Variants in CTNNA3 observed in about 807,000 individuals in gnomAD.
CTNNA3 encodes the protein catenin alpha 3, also known as catenin alpha-3.
Under a neutral mutation model 95.7 loss-of-function variants are expected in CTNNA3, and 76 were observed. The observed-to-expected ratio is 0.79, with a 90% CI of 0.66 to 0.96. CTNNA3 has a LOEUF of 0.96. Ranked by LOEUF, CTNNA3 falls within the 40% of genes least tolerant of loss-of-function variation. The pLI, the probability that CTNNA3 is intolerant of heterozygous loss-of-function variation, is 0.00. For synonymous variants in CTNNA3, 431 were observed against 374.4 expected, an observed-to-expected ratio of 1.15 and a Z score of -1.74; for missense variants, 1,191 against 1,089.8, an observed-to-expected ratio of 1.09 and a Z score of -1.31.
intron 11 of CTNNA3, among the ~76,000 whole-genome samples, chr10:66,394,966 G>C (rs543158430): frequency 1.2e-4 from 18 of 151,888 alleles, no homozygotes; most frequent in Non-Finnish European, 1.9e-4. Context: ...ATAAAATTAA[G>C]AATAAATGAG....
chr10:67,471,968 A>G (rs976546330), intron 5 of CTNNA3, among the ~76,000 whole-genome samples: 9 of 152,238 alleles, frequency 5.9e-5, no homozygotes, highest in African/African-American at 2.2e-4. Context: ...TCTTTGCTAA[A>G]GCAAAGTAGC....
rs370116306 is a variant in CTNNA3 at position 66,301,879 on chromosome 10, T to A, written c.1733-21258A>T. On this transcript the variant is annotated intron_variant, in intron 12 of 17. Transcript: ENST00000433211. ...AAAAGGAAATAAAAACCATTCAGAC[T>A]TGGAAGGAAGATTAAAAATCTCTTT... 5.9e-5 allele frequency among the ~76,000 whole-genome samples: 9 copies of A among 152,082 alleles called. No homozygotes were observed. In the East Asian group the frequency reaches 1.7e-3, roughly 29 times the overall value.
At chr10:67,590,504 T>G (rs1056097689) in intron 3 of CTNNA3, among the ~76,000 whole-genome samples, 2 of 152,132 alleles carry the variant, frequency 1.3e-5, no homozygotes, top group Non-Finnish European at 2.9e-5. Context: ...TGTACCAATT[T>G]ACATTCCCAC....
intron 17 of CTNNA3, among the ~76,000 whole-genome samples, chr10:65,946,517 C>T (rs77201203): frequency 0.057 from 8,735 of 152,156 alleles, 326 homozygotes; most frequent in Middle Eastern, 0.14. Context: ...ACACTACTTC[C>T]TAATTTAAAC....
chr10:67,544,397 T>C (rs754669962), intron 3 of CTNNA3, among the ~76,000 whole-genome samples: 4 of 151,700 alleles, frequency 2.6e-5, no homozygotes, highest in Admixed American at 6.6e-5. Flanking sequence ...CTTACCACCA[T>C]GAGAGACTTT....
intron 5 of CTNNA3, among the ~76,000 whole-genome samples, chr10:67,281,630 A>G (rs947537529): frequency 6.6e-6 from 1 of 152,188 alleles, no homozygotes; most frequent in Non-Finnish European, 1.5e-5. Flanking sequence ...TATTTGGAAT[A>G]AAAATTAATT....
intron 5 of CTNNA3, among the ~76,000 whole-genome samples, chr10:67,419,975 C>G (rs547877824): frequency 1.2e-4 from 18 of 152,220 alleles, no homozygotes; most frequent in African/African-American, 4.1e-4. Flanking sequence ...CTTCAGCCAC[C>G]TGAGTAGCTG....
chr10:66,745,587 C>A lies in CTNNA3; in HGVS notation c.1281+20677G>T, dbSNP rs550018611. ...TCTAATGGTATATAATGCAGACAGC[C>A]TTTTTTTTTTTTTTTTTTTTGAGAC... On this transcript the variant is annotated intron_variant, in intron 9 of 17. Coordinates refer to ENST00000433211, the MANE Select transcript of CTNNA3 (RefSeq NM_013266.4). Among the ~76,000 whole-genome samples, 39 of 109,644 alleles carry A rather than the reference C, an allele frequency of 3.6e-4. No individual in the cohort carries two copies. In the East Asian group the frequency reaches 9.4e-3, roughly 26 times the overall value. 71.9% of individuals were successfully genotyped at this position (109,644 alleles called of 152,430 possible).
rs897076411 is a variant in CTNNA3 at position 65,917,851 on chromosome 10, T to G, written c.*2479A>C. 1 of 152,208 alleles carries G rather than the reference T, an allele frequency of 6.6e-6. No individual in the cohort carries two copies. Among genetic ancestry groups the G allele is most frequent in the Non-Finnish European group, 1.5e-5 (1 of 68,038 alleles). 9.4% of individuals were successfully genotyped at this position (152,208 alleles called of 1,614,324 possible). A position where few individuals can be genotyped will look rare whatever the true frequency, so the allele number is the denominator to read the frequency against. ...TTCATATCTTGCTGCTAGTTTTTCT[T>G]GCATATAAGCATTTGTTTTATCAGC... On this transcript the variant is annotated 3_prime_UTR_variant, in exon 18 of 18. Coordinates refer to ENST00000433211, the MANE Select transcript of CTNNA3 (RefSeq NM_013266.4).
At position 66,878,613 on chromosome 10, in the gene CTNNA3, C is replaced by G. The variant is rs142286811; in HGVS notation, c.1048-103089G>C. Among the ~76,000 whole-genome samples the G allele has an allele frequency of 5.0e-3, 768 of 152,146 alleles. 15 individuals carry two copies. In the East Asian group the frequency reaches 0.057, roughly 11 times the overall value. ...CTGCCTGTCCATAGCCATTATAACCCTACCTGATTCTAGGAGCAACTGTGG... is the reference window on the plus strand; with the variant it reads ...CTGCCTGTCCATAGCCATTATAACCGTACCTGATTCTAGGAGCAACTGTGG... On this transcript the variant is annotated intron_variant, in intron 7 of 17. Coordinates refer to ENST00000433211, the MANE Select transcript of CTNNA3 (RefSeq NM_013266.4).
At chr10:67,447,789 A>G (rs1846812614) in intron 5 of CTNNA3, among the ~76,000 whole-genome samples, 3 of 152,230 alleles carry the variant, frequency 2.0e-5, no homozygotes, top group African/African-American at 7.2e-5. Flanking sequence ...TTCTCTGACC[A>G]GGATAAAGTC....
intron 13 of CTNNA3, among the ~76,000 whole-genome samples, chr10:66,116,969 G>A (rs1280253775): frequency 1.3e-5 from 2 of 152,116 alleles, no homozygotes; most frequent in Non-Finnish European, 2.9e-5. Flanking sequence ...AACACATGTG[G>A]ATTACAATTC....
intron 7 of CTNNA3, among the ~76,000 whole-genome samples, chr10:66,879,445 G>A (rs560767039): frequency 5.3e-5 from 8 of 152,140 alleles, no homozygotes; most frequent in South Asian, 2.1e-4. Flanking sequence ...TCTATGGATC[G>A]TATAAAGCAA....
chr10:66,976,756 T>C (rs1024552756), intron 7 of CTNNA3, among the ~76,000 whole-genome samples: 2 of 152,236 alleles, frequency 1.3e-5, no homozygotes, highest in African/African-American at 4.8e-5. Context: ...ATTATTCATT[T>C]CATCTAGAGT....
intron 9 of CTNNA3, among the ~76,000 whole-genome samples, chr10:66,752,361 T>C (rs1400808467): frequency 1.3e-5 from 2 of 152,060 alleles, no homozygotes; most frequent in South Asian, 2.1e-4. Context: ...TTTCAGCAAA[T>C]AACGCTGAAA....
chr10:66,539,586 T>C (rs1044123169), intron 10 of CTNNA3, among the ~76,000 whole-genome samples: 7 of 152,136 alleles, frequency 4.6e-5, no homozygotes, highest in African/African-American at 1.7e-4. Flanking sequence ...ATTTTACTTT[T>C]GAATGATCTA....
At chr10:67,115,666 TTAAAAA>T (rs556462279) in intron 7 of CTNNA3, among the ~76,000 whole-genome samples, 23 of 151,480 alleles carry the variant, frequency 1.5e-4, no homozygotes, top group South Asian at 1.3e-3. Context: ...TACAATGAAA[TTAAAAA>T]TAAAAATAAA....
At chr10:66,012,202 AC>A (rs1398021298) in intron 15 of CTNNA3, among the ~76,000 whole-genome samples, 1 of 152,234 alleles carries the variant, frequency 6.6e-6, no homozygotes, top group Non-Finnish European at 1.5e-5. Flanking sequence ...AGTTAAAAAA[AC>A]AAATGAACAT....
chr10:66,448,904 C>T (rs984961219), intron 11 of CTNNA3, among the ~76,000 whole-genome samples: 3 of 151,890 alleles, frequency 2.0e-5, no homozygotes, highest in Non-Finnish European at 4.4e-5. Context: ...ATTTAATCTG[C>T]TTTTATATTC....
Sources: allele counts gnomAD v4.1 joint callset (sites outside exome capture counted in the v4.1 genomes callset), GRCh38; gene constraint gnomAD v4.1.1; transcripts MANE v1.5; gene names NCBI Gene and HGNC (gene_info 2026-07-23, HGNC 2026-07-21).